The following ANO2 variants were observed in gnomAD, a reference collection of about 807,000 sequenced individuals.
The protein encoded by ANO2 is anoctamin 2.
Under a neutral mutation model 124.2 loss-of-function variants are expected in ANO2, and 101 were observed. The observed-to-expected ratio is 0.81, with a 90% CI of 0.69 to 0.96. ANO2 has a LOEUF of 0.96. Ranked by LOEUF, ANO2 falls within the 40% of genes least tolerant of loss-of-function variation. ANO2 has a pLI of 0.00. For missense variants in ANO2, 1,293 were observed against 1,274.5 expected (o/e 1.01, Z -0.22); for synonymous variants, 486 against 482.5 (o/e 1.01, Z -0.09).
intron 14 of ANO2, among the ~76,000 whole-genome samples, chr12:5,702,208 C>T (rs982684302): frequency 6.6e-6 from 1 of 152,050 alleles, no homozygotes; most frequent in African/African-American, 2.4e-5. Context: ...AAAAAATCAG[C>T]AGGTATACAG....
chr12:5,813,988 G>A (rs1180026351), intron 7 of ANO2, among the ~76,000 whole-genome samples: 1 of 152,156 alleles, frequency 6.6e-6, no homozygotes, highest in Non-Finnish European at 1.5e-5. Context: ...CCAGCTGTGT[G>A]CCTATCTTCC....
intron 10 of ANO2, among the ~76,000 whole-genome samples, chr12:5,797,419 G>C (rs75011453): frequency 0.035 from 5,398 of 152,270 alleles, 112 homozygotes; most frequent in African/African-American, 0.048. Flanking sequence ...GACTTGGACA[G>C]AATCAGGGAA....
intron 3 of ANO2, among the ~76,000 whole-genome samples, chr12:5,860,775 C>T (rs1205263397): frequency 6.6e-6 from 1 of 152,184 alleles, no homozygotes; most frequent in Non-Finnish European, 1.5e-5. Flanking sequence ...CATTTGCAGA[C>T]CGCCGTTCCC....
chr12:5,931,179 G>A (rs1183602623), intron 1 of ANO2, among the ~76,000 whole-genome samples: 1 of 152,102 alleles, frequency 6.6e-6, no homozygotes, highest in Admixed American at 6.5e-5. Context: ...ATGACATACA[G>A]GGTCTTTCAT....
At chr12:5,919,932 T>C (rs1348391749) in intron 3 of ANO2, among the ~76,000 whole-genome samples, 1 of 151,674 alleles carries the variant, frequency 6.6e-6, no homozygotes, top group South Asian at 2.1e-4. Context: ...CTCCTGACCT[T>C]GTGATCCGCC....
intron 4 of ANO2, chr12:5,852,019 G>A: frequency 1.4e-6 from 1 of 715,098 alleles, no homozygotes; most frequent in South Asian, 1.5e-5. Flanking sequence ...ATAGAATGAG[G>A]TTAAGAGAAC....
chr12:5,772,351 C>T (rs1304847517), intron 10 of ANO2, among the ~76,000 whole-genome samples: 1 of 152,028 alleles, frequency 6.6e-6, no homozygotes, highest in Non-Finnish European at 1.5e-5. Context: ...TAAAGATTGT[C>T]TCCACCTACC....
chr12:5,757,536 T>C (rs571771687), intron 10 of ANO2, among the ~76,000 whole-genome samples: 8 of 152,276 alleles, frequency 5.3e-5, no homozygotes, highest in South Asian at 2.1e-4. Context: ...TGTCCACACA[T>C]TGATAGAAGA....
chr12:5,660,968 T>C (rs1428663732), intron 14 of ANO2, among the ~76,000 whole-genome samples: 1 of 152,140 alleles, frequency 6.6e-6, no homozygotes, highest in Non-Finnish European at 1.5e-5. Flanking sequence ...GAAGGAAAAA[T>C]GCAAAAGGTT....
At chr12:5,663,734 CCT>C (rs1453504597) in intron 14 of ANO2, among the ~76,000 whole-genome samples, 2 of 152,166 alleles carry the variant, frequency 1.3e-5, no homozygotes, top group African/African-American at 4.8e-5. Flanking sequence ...CCTCCAACTC[CCT>C]AGTGAGTGCT....
intron 14 of ANO2, among the ~76,000 whole-genome samples, chr12:5,721,161 A>C (rs1412655143): frequency 5.9e-5 from 9 of 152,216 alleles, no homozygotes; most frequent in Admixed American, 5.9e-4. Context: ...GCCCATGATG[A>C]GAAACCCTCA....
chr12:5,831,316 C>T (rs2137217202), intron 5 of ANO2, among the ~76,000 whole-genome samples: 1 of 152,324 alleles, frequency 6.6e-6, no homozygotes, highest in South Asian at 2.1e-4. Flanking sequence ...AGCAGAATAT[C>T]CTTCAAAAGG....
rs539909423 is a variant in ANO2 at position 5,568,722 on chromosome 12, C to T, written c.2622-3059G>A. Among the ~76,000 whole-genome samples the T allele has an allele frequency of 3.9e-5, 6 of 152,292 alleles. No homozygotes were observed. The South Asian group carries it at 8.3e-4, about 21-fold the overall frequency. On this transcript the variant is annotated intron_variant, in intron 23 of 24. Transcript: ENST00000682330. ...AATAATTTCCACCACCGTGATGCTG[C>T]GTGTTTTGTTTCTAAACCCAGTGCT...
In ANO2 at chr12:5,769,867, C is replaced by A. The variant is rs1301651297; in HGVS notation, c.1056-18897G>T. Among the ~76,000 whole-genome samples the A allele has an allele frequency of 6.6e-6, 1 of 152,184 alleles. No homozygotes were observed. The highest frequency in any genetic ancestry group is 1.5e-5 in the Non-Finnish European group (1 of 68,040). On this transcript the variant is annotated intron_variant, in intron 10 of 24. Transcript: ENST00000682330. The surrounding 1 kb of genome is among the most constrained non-coding windows in gnomAD (Gnocchi z 4.0). ...TCCCTGGGTATTATACACAGCCCCA[C>A]CTAAGGGCAGAAAGCGTGGAGAGCA... is the stretch of plus-strand genomic sequence containing the variant.
intron 10 of ANO2, among the ~76,000 whole-genome samples, chr12:5,756,763 A>G (rs1216136383): frequency 6.6e-6 from 1 of 152,192 alleles, no homozygotes; most frequent in East Asian, 1.9e-4. Flanking sequence ...TGAGATCTGC[A>G]TGAGAGTAGG....
intron 14 of ANO2, among the ~76,000 whole-genome samples, chr12:5,708,286 T>G (rs1433009071): frequency 6.6e-6 from 1 of 152,164 alleles, no homozygotes; most frequent in Non-Finnish European, 1.5e-5. Flanking sequence ...CCCCCAACAC[T>G]CTCCACAGAA....
chr12:5,672,202 A>T (rs1280680005), intron 14 of ANO2, among the ~76,000 whole-genome samples: 1 of 152,218 alleles, frequency 6.6e-6, no homozygotes, highest in African/African-American at 2.4e-5. Flanking sequence ...TAATCAGCAG[A>T]GCAAAAGCTA....
rs551021753 is a variant in ANO2 at position 5,889,202 on chromosome 12, G to A, written c.534+31838C>T. 4.1e-3 allele frequency among the ~76,000 whole-genome samples: 625 copies of A among 152,178 alleles called. 2 individuals carry two copies. The highest frequency in any genetic ancestry group is 6.2e-3 in the Non-Finnish European group (424 of 67,992). Reference sequence around the variant, plus strand: ...TCGCGCTGGCCCCCAAGCGCCACGCGCAGCCCTGGTTCCCGACCATGCCTC... The same window carrying A: ...TCGCGCTGGCCCCCAAGCGCCACGCACAGCCCTGGTTCCCGACCATGCCTC... On this transcript the variant is annotated intron_variant, in intron 3 of 24. Coordinates refer to ENST00000682330, the MANE Select transcript of ANO2 (RefSeq NM_001364791.2).
At chr12:5,888,021 T>A (rs1157133278) in intron 3 of ANO2, among the ~76,000 whole-genome samples, 1 of 152,160 alleles carries the variant, frequency 6.6e-6, no homozygotes, top group Non-Finnish European at 1.5e-5. Context: ...GGGTTCTTGG[T>A]CTCACTGACT....
Sources: allele counts gnomAD v4.1 joint callset (sites outside exome capture counted in the v4.1 genomes callset), GRCh38; gene constraint gnomAD v4.1.1; non-coding constraint Gnocchi (gnomAD v3.1); transcripts MANE v1.5; gene names NCBI Gene and HGNC (gene_info 2026-07-23, HGNC 2026-07-21).